DCC: variants seen among roughly 807,000 people sequenced by gnomAD.
DCC encodes netrin receptor DCC.
Under a neutral mutation model 172.5 loss-of-function variants are expected in DCC, and 58 were observed. The observed-to-expected ratio is 0.34, with a 90% CI of 0.27 to 0.42. The LOEUF (loss-of-function observed/expected upper bound fraction) is 0.42. Among genes scored for constraint, DCC ranks in the 10% least tolerant of loss-of-function variants. The pLI, the probability that DCC is intolerant of heterozygous loss-of-function variation, is 1.00. For missense variants in DCC, 1,740 were observed against 1,791.0 expected (o/e 0.97, Z 0.51); for synonymous variants, 709 against 644.5 (o/e 1.10, Z -1.52).
At position 52,643,433 on chromosome 18, in the gene DCC, G is replaced by A. The variant is rs1471572988; in HGVS notation, c.92-108621G>A. The stretch of plus-strand genomic sequence containing the variant: ...AATATTTGGGAAATATGAAGTTGAT[G>A]GTAATTGGCCATCCTTCGCAATGCT... On this transcript the variant is annotated intron_variant, in intron 1 of 28. Coordinates refer to ENST00000442544, the MANE Select transcript of DCC (RefSeq NM_005215.4). Among the ~76,000 whole-genome samples the A allele has an allele frequency of 2.0e-5, 3 of 152,106 alleles. No individual in the cohort carries two copies. In the South Asian group the frequency reaches 6.2e-4, roughly 31 times the overall value.
intron 9 of DCC, among the ~76,000 whole-genome samples, chr18:53,192,507 T>C (rs555204389): frequency 1.8e-4 from 28 of 152,136 alleles, no homozygotes; most frequent in African/African-American, 6.5e-4. Context: ...TTAAGCTAGG[T>C]GGGAAACAGA....
chr18:53,178,140 T>A (rs751388334), intron 8 of DCC, among the ~76,000 whole-genome samples: 1 of 152,178 alleles, frequency 6.6e-6, no homozygotes, highest in Non-Finnish European at 1.5e-5. Flanking sequence ...CCAATGAGGA[T>A]ATCTAGAATG....
chr18:53,121,989 C>T (rs959130700), intron 7 of DCC, among the ~76,000 whole-genome samples: 1 of 151,918 alleles, frequency 6.6e-6, no homozygotes, highest in East Asian at 1.9e-4. Context: ...TGAGAAAGAA[C>T]ACAATTTAAA....
chr18:52,756,142 T>C (rs1285807578), intron 2 of DCC, among the ~76,000 whole-genome samples: 1 of 152,208 alleles, frequency 6.6e-6, no homozygotes, highest in Non-Finnish European at 1.5e-5. Context: ...GGCTGAAATT[T>C]GGGAATTTTA....
intron 20 of DCC, among the ~76,000 whole-genome samples, chr18:53,415,115 A>T (rs1163311098): frequency 6.6e-6 from 1 of 152,202 alleles, no homozygotes; most frequent in Non-Finnish European, 1.5e-5. Flanking sequence ...TAGAAAAAGA[A>T]GGACCACCAC....
At chr18:52,457,240 A>C (rs1283247422) in intron 1 of DCC, among the ~76,000 whole-genome samples, 1 of 152,224 alleles carries the variant, frequency 6.6e-6, no homozygotes, top group Admixed American at 6.5e-5. Flanking sequence ...ATAGAGAAAT[A>C]GAGAAATCAC....
intron 2 of DCC, among the ~76,000 whole-genome samples, chr18:52,849,597 C>A (rs1568144231): frequency 6.6e-6 from 1 of 152,170 alleles, no homozygotes; most frequent in Non-Finnish European, 1.5e-5. Context: ...GTACCTATTT[C>A]CAAAACAGAA....
intron 1 of DCC, among the ~76,000 whole-genome samples, chr18:52,738,336 A>T (rs2036760084): frequency 6.6e-6 from 1 of 152,186 alleles, no homozygotes; most frequent in African/African-American, 2.4e-5. Context: ...AGCTGACTAC[A>T]CACCTAAGCT....
chr18:52,490,402 A>T (rs1260348110), intron 1 of DCC, among the ~76,000 whole-genome samples: 1 of 152,128 alleles, frequency 6.6e-6, no homozygotes, highest in African/African-American at 2.4e-5. Context: ...TTATGAATAT[A>T]ACCTTAGGGT....
intron 12 of DCC, among the ~76,000 whole-genome samples, chr18:53,273,544 T>A (rs892314242): frequency 6.6e-6 from 1 of 152,164 alleles, no homozygotes; most frequent in African/African-American, 2.4e-5. Context: ...AGAAAATTAT[T>A]TGATACTCAG....
chr18:52,592,817 G>A (rs1334720559), intron 1 of DCC, among the ~76,000 whole-genome samples: 1 of 152,078 alleles, frequency 6.6e-6, no homozygotes, highest in Admixed American at 6.6e-5. Context: ...GTGTGTGTGT[G>A]TATTTTTAGT....
chr18:52,666,176 G>A lies in DCC; in HGVS notation c.92-85878G>A, dbSNP rs1011912249. 4.6e-5 allele frequency among the ~76,000 whole-genome samples: 7 copies of A among 152,022 alleles called. 1 individual carries two copies. Among genetic ancestry groups the A allele is most frequent in the South Asian group, 4.2e-4 (2 of 4,812 alleles). ...GGTGTGGTGGTGTGCACCTGTAATC[G>A]CAGCTACTCGGTGGAGCTGAGACAG... On this transcript the variant is annotated intron_variant, in intron 1 of 28. Transcript: ENST00000442544.
chr18:52,683,489 G>A (rs919985055), intron 1 of DCC, among the ~76,000 whole-genome samples: 6 of 152,078 alleles, frequency 3.9e-5, no homozygotes, highest in Admixed American at 3.3e-4. Context: ...GTATGTGAAT[G>A]TGATTTAATA....
At chr18:52,526,715 G>C (rs1027227072) in intron 1 of DCC, among the ~76,000 whole-genome samples, 1 of 152,088 alleles carries the variant, frequency 6.6e-6, no homozygotes, top group Non-Finnish European at 1.5e-5. Flanking sequence ...GAGTACAATA[G>C]CTGAATAACT....
intron 1 of DCC, among the ~76,000 whole-genome samples, chr18:52,391,639 C>T (rs1365941480): frequency 6.6e-6 from 1 of 152,070 alleles, no homozygotes; most frequent in Non-Finnish European, 1.5e-5. Context: ...GATTCAAAAA[C>T]TGCCCTAGTT....
intron 2 of DCC, among the ~76,000 whole-genome samples, chr18:52,792,434 G>T (rs2037788778): frequency 6.6e-6 from 1 of 152,224 alleles, no homozygotes; most frequent in Non-Finnish European, 1.5e-5. Flanking sequence ...AGGGTGGTCA[G>T]AGGCCGAGGT....
intron 5 of DCC, among the ~76,000 whole-genome samples, chr18:53,001,857 AT>A (rs2041569504): frequency 6.6e-6 from 1 of 151,994 alleles, no homozygotes; most frequent in Non-Finnish European, 1.5e-5. Flanking sequence ...TGTTTCTGAA[AT>A]TTTTCTGTAG....
intron 1 of DCC, among the ~76,000 whole-genome samples, chr18:52,585,318 A>G (rs2033645645): frequency 1.3e-5 from 2 of 152,212 alleles, no homozygotes; most frequent in Non-Finnish European, 2.9e-5. Flanking sequence ...GCCAGACAGA[A>G]AACATTTTTT....
intron 7 of DCC, among the ~76,000 whole-genome samples, chr18:53,075,876 A>G (rs1048565025): frequency 6.6e-6 from 1 of 152,130 alleles, no homozygotes; most frequent in Non-Finnish European, 1.5e-5. Context: ...CAAGGCTGCA[A>G]TTGGTACTAT....
Sources: allele counts gnomAD v4.1 joint callset (sites outside exome capture counted in the v4.1 genomes callset), GRCh38; gene constraint gnomAD v4.1.1; transcripts MANE v1.5; gene names NCBI Gene and HGNC (gene_info 2026-07-23, HGNC 2026-07-21).